KCNIP4: variants seen among roughly 807,000 people sequenced by gnomAD.
KCNIP4 encodes Kv channel-interacting protein 4.
In KCNIP4, 12 loss-of-function variants were observed where a neutral mutation model predicts 34.0. The ratio of observed to expected loss-of-function variants is 0.35; its 90% CI spans 0.23 to 0.57. The LOEUF (loss-of-function observed/expected upper bound fraction) is 0.57. Among genes scored for constraint, KCNIP4 ranks in the 20% least tolerant of loss-of-function variants. KCNIP4 has a pLI of 0.83. For missense variants in KCNIP4, 238 were observed against 311.7 expected (o/e 0.76, Z 1.78); for synonymous variants, 124 against 102.2 (o/e 1.21, Z -1.29).
intron 1 of KCNIP4, among the ~76,000 whole-genome samples, chr4:21,075,157 C>T (rs371863653): frequency 6.6e-6 from 1 of 152,180 alleles, no homozygotes; most frequent in African/African-American, 2.4e-5. Flanking sequence ...ATTAGGTCCG[C>T]TTGGTGCAGA....
At chr4:21,726,122 A>ATAAC (rs1347043066) in intron 1 of KCNIP4, among the ~76,000 whole-genome samples, 4 of 152,194 alleles carry the variant, frequency 2.6e-5, no homozygotes, top group Non-Finnish European at 5.9e-5. Context: ...ATTGTGTCTC[A>ATAAC]TAACTTCATT....
intron 1 of KCNIP4, among the ~76,000 whole-genome samples, chr4:21,004,358 A>T (rs991731774): frequency 1.3e-5 from 2 of 152,252 alleles, no homozygotes; most frequent in African/African-American, 2.4e-5. Flanking sequence ...TAACTTGGAC[A>T]ACTGATGAAT....
intron 1 of KCNIP4, among the ~76,000 whole-genome samples, chr4:21,650,622 TAG>T (rs1560593203): frequency 6.6e-6 from 1 of 152,146 alleles, no homozygotes; most frequent in Non-Finnish European, 1.5e-5. Flanking sequence ...AGTAATAAAA[TAG>T]AGAGCCAAAG....
At chr4:21,789,233 AT>A (rs1720115790) in intron 1 of KCNIP4, among the ~76,000 whole-genome samples, 1 of 152,096 alleles carries the variant, frequency 6.6e-6, no homozygotes, top group East Asian at 1.9e-4. Flanking sequence ...CCCACAGAGG[AT>A]TTTAAGAAAT....
chr4:21,319,502 C>T (rs1035681599), intron 1 of KCNIP4, among the ~76,000 whole-genome samples: 8 of 152,208 alleles, frequency 5.3e-5, no homozygotes, highest in African/African-American at 1.9e-4. Context: ...CACTCTGCAG[C>T]TCTGGAGGCT....
At chr4:20,754,001 A>C (rs184866768) in intron 4 of KCNIP4, among the ~76,000 whole-genome samples, 1 of 152,180 alleles carries the variant, frequency 6.6e-6, no homozygotes, top group South Asian at 2.1e-4. Flanking sequence ...ATGAGCAGGA[A>C]TAGCCCAGGA....
intron 1 of KCNIP4, among the ~76,000 whole-genome samples, chr4:21,936,843 G>A (rs527963005): frequency 1.3e-5 from 2 of 151,924 alleles, no homozygotes; most frequent in Non-Finnish European, 2.9e-5. Flanking sequence ...CCTTCTACAT[G>A]CCAGTCACTG....
At chr4:20,851,337 T>A (rs1016229762) in intron 2 of KCNIP4, among the ~76,000 whole-genome samples, 8 of 152,200 alleles carry the variant, frequency 5.3e-5, no homozygotes, top group African/African-American at 1.9e-4. Context: ...TCCAACTCCA[T>A]CTATGTGCCT....
intron 1 of KCNIP4, among the ~76,000 whole-genome samples, chr4:21,915,352 GAGACTCTTCTATGTGCTAGACCTTTTGCA>G (rs1274019627): frequency 1.7e-4 from 26 of 152,312 alleles, no homozygotes; most frequent in Admixed American, 1.6e-3. Context: ...TAATCTTATT[GAGACTCTTCTATGTGCTAGACCTTTTGCA>G]AGATCCTTTG....
intron 1 of KCNIP4, among the ~76,000 whole-genome samples, chr4:21,483,641 T>A (rs1360896566): frequency 1.3e-5 from 2 of 151,582 alleles, no homozygotes; most frequent in African/African-American, 2.4e-5. Context: ...TAAAAAAAAA[T>A]TAGCCAGGTG....
chr4:21,769,427 T>A (rs1038391356), intron 1 of KCNIP4, among the ~76,000 whole-genome samples: 3 of 152,178 alleles, frequency 2.0e-5, no homozygotes, highest in Non-Finnish European at 4.4e-5. Flanking sequence ...TTGTGGTATT[T>A]TTAACAATAG....
intron 1 of KCNIP4, among the ~76,000 whole-genome samples, chr4:21,358,091 TTC>T (rs1330961051): frequency 6.6e-6 from 1 of 152,126 alleles, no homozygotes; most frequent in African/African-American, 2.4e-5. Context: ...ACACCGCCTG[TTC>T]TCACTCATAG....
chr4:21,670,978 A>T (rs547681982), intron 1 of KCNIP4, among the ~76,000 whole-genome samples: 7,237 of 105,342 alleles, frequency 0.069, 188 homozygotes, highest in Non-Finnish European at 0.079. Flanking sequence ...TTTTTTTTTT[A>T]AATTAATAAC....
intron 1 of KCNIP4, among the ~76,000 whole-genome samples, chr4:20,922,046 T>C (rs936685646): frequency 6.6e-6 from 1 of 152,206 alleles, no homozygotes; most frequent in Non-Finnish European, 1.5e-5. Context: ...AAAAGAAGCA[T>C]CAGTTAAATA....
Position 21,470,777 on chromosome 4 carries a change from T to C in KCNIP4, c.61+477794A>G, listed in dbSNP as rs147471091. Among the ~76,000 whole-genome samples, 3 of 152,208 alleles carry C rather than the reference T, an allele frequency of 2.0e-5. No homozygotes were observed. The East Asian group carries it at 5.8e-4, about 29-fold the overall frequency. On this transcript the variant is annotated intron_variant, in intron 1 of 8. Transcript: ENST00000382152. ...GGAGAAGCAGTTAGTTACAAGAGAA[T>C]TCTTGGCCAAACGCCCAATTCAAGG...
At chr4:21,207,991 C>T (rs1019827734) in intron 1 of KCNIP4, among the ~76,000 whole-genome samples, 1 of 151,698 alleles carries the variant, frequency 6.6e-6, no homozygotes, top group Admixed American at 6.6e-5. Flanking sequence ...TATAGGTGTA[C>T]GCCACCAGGC....
intron 1 of KCNIP4, among the ~76,000 whole-genome samples, chr4:21,494,592 G>C (rs1374358662): frequency 6.6e-6 from 1 of 151,906 alleles, no homozygotes; most frequent in Non-Finnish European, 1.5e-5. Context: ...GGCCAACATA[G>C]TGAAACCCTG....
chr4:21,112,063 A>G (rs891473250), intron 1 of KCNIP4, among the ~76,000 whole-genome samples: 1 of 151,570 alleles, frequency 6.6e-6, no homozygotes, highest in African/African-American at 2.4e-5. Flanking sequence ...CTATCTATCT[A>G]TCTATCTATC....
At chr4:21,501,401 C>A (rs965355321) in intron 1 of KCNIP4, among the ~76,000 whole-genome samples, 8 of 151,972 alleles carry the variant, frequency 5.3e-5, no homozygotes, top group African/African-American at 1.9e-4. Flanking sequence ...ACCCTCTTAC[C>A]TTTCATCTGT....
Sources: allele counts gnomAD v4.1 joint callset (sites outside exome capture counted in the v4.1 genomes callset), GRCh38; gene constraint gnomAD v4.1.1; transcripts MANE v1.5; gene names NCBI Gene and HGNC (gene_info 2026-07-23, HGNC 2026-07-21).